Variants in LMO7 observed in about 807,000 individuals in gnomAD.
LMO7 encodes the protein LIM domain 7.
A neutral mutation model predicts 206.5 loss-of-function variants in LMO7; 120 were observed. The ratio of observed to expected loss-of-function variants is 0.58; its 90% CI spans 0.50 to 0.68. The LOEUF (loss-of-function observed/expected upper bound fraction) is 0.68, where lower values mean the gene tolerates loss of function less well. Ranked by LOEUF, LMO7 falls within the 30% of genes least tolerant of loss-of-function variation. LMO7 has a pLI of 0.00. For synonymous variants in LMO7, 706 were observed against 681.5 expected, an observed-to-expected ratio of 1.04 and a Z score of -0.56; for missense variants, 1,959 against 1,957.9, an observed-to-expected ratio of 1.00 and a Z score of -0.01.
chr13:75,829,500 G>C (rs1180094988), intron 15 of LMO7, among the ~76,000 whole-genome samples: 2 of 152,110 alleles, frequency 1.3e-5, no homozygotes, highest in Non-Finnish European at 2.9e-5. Context: ...ATTCCAGTAA[G>C]ACCCAGAAAG....
chr13:75,684,955 A>AGCG (rs1173407638), intron 1 of LMO7, among the ~76,000 whole-genome samples: 1 of 152,128 alleles, frequency 6.6e-6, no homozygotes, highest in Non-Finnish European at 1.5e-5. Flanking sequence ...AGATAATTGT[A>AGCG]GCGGCCCCTT....
At position 75,840,433 on chromosome 13, in the gene LMO7, G is replaced by C. The variant is rs534973931; in HGVS notation, c.3520G>C (p.Asp1174His). ...CAGTGCCCCGAGTCGCTGGGTGTGG[G>C]ATCAAGAGGAGGAGCGGAAGCGGCA... ...TISAPSRWVWDQEEERKRQER... is the reference protein window; with the variant it reads ...TISAPSRWVWHQEEERKRQER... The change falls in exon 22 of 31, where the codon GAT (aspartate) becomes CAT (histidine). Residue 1174 changes from aspartate (D) to histidine (H), a missense_variant. Asp to His is a moderately conservative substitution (Grantham distance 81). Transcript: ENST00000377534. The C allele has an allele frequency of 8.5e-4, 1,364 of 1,614,050 alleles. 15 individuals are homozygous for C. In the South Asian group the frequency reaches 0.014, roughly 17 times the overall value.
intron 1 of LMO7, among the ~76,000 whole-genome samples, chr13:75,652,146 T>G (rs1299025516): frequency 1.3e-5 from 2 of 152,116 alleles, no homozygotes; most frequent in African/African-American, 2.4e-5. Flanking sequence ...AGTTTTTTTT[T>G]TCTTCCTGAA....
At chr13:75,699,939 C>T (rs9573621) in intron 1 of LMO7, among the ~76,000 whole-genome samples, 6,905 of 152,260 alleles carry the variant, frequency 0.045, 275 homozygotes, top group African/African-American at 0.098. Context: ...ACTCCCAGAG[C>T]GGCCATTTTA....
chr13:75,661,584 T>G (rs1329287474), intron 1 of LMO7, among the ~76,000 whole-genome samples: 1 of 152,122 alleles, frequency 6.6e-6, no homozygotes. Flanking sequence ...AAAAAGTAGA[T>G]AAGTCACCAG....
At chr13:75,645,919 T>C (rs1054190350) in intron 1 of LMO7, among the ~76,000 whole-genome samples, 33 of 152,218 alleles carry the variant, frequency 2.2e-4, no homozygotes, top group African/African-American at 5.8e-4. Flanking sequence ...GTTATCAAGT[T>C]CATATATCTT....
At chr13:75,753,419 C>T (rs143285183) in intron 3 of LMO7, among the ~76,000 whole-genome samples, 17 of 152,162 alleles carry the variant, frequency 1.1e-4, no homozygotes, top group African/African-American at 3.1e-4. Context: ...GTTTAAATCC[C>T]GTTTGTCTAT....
chr13:75,747,530 A>G (rs2046946756), intron 3 of LMO7, among the ~76,000 whole-genome samples: 1 of 152,126 alleles, frequency 6.6e-6, no homozygotes, highest in African/African-American at 2.4e-5. Context: ...TTTCTCACTA[A>G]ACTCTCACAA....
At chr13:75,724,361 C>G (rs2044279114) in intron 2 of LMO7, among the ~76,000 whole-genome samples, 1 of 152,046 alleles carries the variant, frequency 6.6e-6, no homozygotes, top group Admixed American at 6.6e-5. Flanking sequence ...AGAATTCTAC[C>G]TAGGGCTAGA....
At position 75,796,763 on chromosome 13, in the gene LMO7, A is replaced by G; in HGVS notation, c.462+14A>G. The G allele has an allele frequency of 1.4e-6, 2 of 1,437,638 alleles. No homozygotes were observed. The highest frequency in any genetic ancestry group is 9.8e-7 in the Non-Finnish European group (1 of 1,019,440). 89.1% of individuals were successfully genotyped at this position (1,437,638 alleles called of 1,614,324 possible). ...GCACTGACGAAGGTAAGTAAACTAC[A>G]TCTGTGTGAGATTACTGCTGTAATA... On this transcript the variant is annotated intron_variant, in intron 6 of 30. Transcript: ENST00000377534.
chr13:75,782,836 G>A (rs1017335401), intron 4 of LMO7, among the ~76,000 whole-genome samples: 9 of 152,152 alleles, frequency 5.9e-5, no homozygotes, highest in Non-Finnish European at 1.0e-4. Flanking sequence ...CTCTCATAAG[G>A]ACACTTGTGA....
At chr13:75,744,007 G>A (rs1424901038) in intron 3 of LMO7, among the ~76,000 whole-genome samples, 1 of 152,170 alleles carries the variant, frequency 6.6e-6, no homozygotes, top group Non-Finnish European at 1.5e-5. Flanking sequence ...ATAAACTGAA[G>A]ATTGTGCATT....
In LMO7 at chr13:75,686,526, CT is replaced by C. The variant is rs3036372; in HGVS notation, c.70-26638del. 3.6e-3 allele frequency among the ~76,000 whole-genome samples: 489 copies of C among 135,792 alleles called. 4 individuals carry two copies. Among genetic ancestry groups the C allele is most frequent in the East Asian group, 0.016 (73 of 4,704 alleles). The allele number at this position is 135,792 out of a possible 152,430, so 89.1% of individuals were successfully genotyped here. A position where few individuals can be genotyped will look rare whatever the true frequency, so the allele number is the denominator to read the frequency against. Reference sequence around the variant, plus strand: ...GCTGCCATGCCTGGCCCTATCTTACCTTTTTTTTTTTTTTTTTTAAACTCTC... The same window carrying C: ...GCTGCCATGCCTGGCCCTATCTTACCTTTTTTTTTTTTTTTTTAAACTCTC... On this transcript the variant is annotated intron_variant, in intron 1 of 30. Transcript: ENST00000377534.
At chr13:75,644,455 A>G (rs2036836621) in intron 1 of LMO7, among the ~76,000 whole-genome samples, 1 of 152,188 alleles carries the variant, frequency 6.6e-6, no homozygotes, top group African/African-American at 2.4e-5. Context: ...TAAGAATCAG[A>G]AAAGAATGGG....
chr13:75,776,546 A>G lies in LMO7; in HGVS notation c.317+15508A>G, dbSNP rs531444979. On this transcript the variant is annotated intron_variant, in intron 4 of 30. Transcript: ENST00000377534. ...TTTGATAACATACCCATTTTTTGCTACCAATAACTTCGATTGTGATTTCAA... is the reference window on the plus strand; with the variant it reads ...TTTGATAACATACCCATTTTTTGCTGCCAATAACTTCGATTGTGATTTCAA... Among the ~76,000 whole-genome samples the G allele has an allele frequency of 1.4e-4, 21 of 152,198 alleles. No homozygotes were observed. In the South Asian group the frequency reaches 4.4e-3, roughly 32 times the overall value.
At chr13:75,641,725 G>C (rs187281262) in intron 1 of LMO7, among the ~76,000 whole-genome samples, 39 of 152,188 alleles carry the variant, frequency 2.6e-4, no homozygotes, top group Admixed American at 2.5e-3. Flanking sequence ...TGTGATCTTG[G>C]CTCACTGCAA....
intron 1 of LMO7, among the ~76,000 whole-genome samples, chr13:75,642,494 T>C (rs987660923): frequency 2.0e-5 from 3 of 149,968 alleles, no homozygotes; most frequent in Admixed American, 6.6e-5. Context: ...TCTTGGCTGC[T>C]TGGGAGGCTG....
chr13:75,673,320 G>A (rs2139407893), intron 1 of LMO7, among the ~76,000 whole-genome samples: 1 of 152,304 alleles, frequency 6.6e-6, no homozygotes, highest in Non-Finnish European at 1.5e-5. Flanking sequence ...AAATCCAGAT[G>A]AAAATATGTG....
intron 4 of LMO7, among the ~76,000 whole-genome samples, chr13:75,783,083 C>G (rs977128671): frequency 2.0e-5 from 3 of 152,100 alleles, no homozygotes; most frequent in African/African-American, 7.2e-5. Context: ...TTTTCTGTAG[C>G]TAAGAAAACC....
Sources: allele counts gnomAD v4.1 joint callset (sites outside exome capture counted in the v4.1 genomes callset), GRCh38; gene constraint gnomAD v4.1.1; transcripts MANE v1.5; gene names NCBI Gene and HGNC (gene_info 2026-07-23, HGNC 2026-07-21).